LYPLAL1: variants seen among roughly 807,000 people sequenced by gnomAD.
LYPLAL1 encodes the protein lysophospholipase-like protein 1.
Under a neutral mutation model 19.7 loss-of-function variants are expected in LYPLAL1, and 23 were observed. The ratio of observed to expected loss-of-function variants is 1.17; its 90% confidence interval spans 0.84 to 1.65. The LOEUF is 1.65. Among genes scored for constraint, LYPLAL1 ranks in the 40% most tolerant of loss-of-function variants. The probability of loss-of-function intolerance (pLI) is 0.00; values close to 1 mark genes in which losing one functional copy is unlikely to be tolerated. For synonymous variants in LYPLAL1, 119 were observed against 96.3 expected (o/e 1.24, Z -1.38); for missense variants, 355 against 279.4 (o/e 1.27, Z -1.93).
At chr1:219,297,157 T>C in the LYPLAL1 span, among the ~76,000 whole-genome samples, 1 of 152,192 alleles carries the variant, frequency 6.6e-6, no homozygotes, top group Admixed American at 6.5e-5. Flanking sequence ...GAGCTCACAA[T>C]TGGAAGCAAA....
At chr1:219,179,065 G>C in intron 1 of LYPLAL1, 82 bp from the exon 2 acceptor site, 1 of 869,302 alleles carries the variant, frequency 1.2e-6, no homozygotes. Context: ...CATCCTCTGT[G>C]TGACATAAAA....
At chr1:219,375,794 T>C in the LYPLAL1 span, among the ~76,000 whole-genome samples, 4 of 146,752 alleles carry the variant, frequency 2.7e-5, no homozygotes, top group African/African-American at 1.0e-4. Flanking sequence ...CAGGCTGGAG[T>C]ACAGTGGCGC....
At chr1:219,392,943 AAAAAT>A in the LYPLAL1 span, among the ~76,000 whole-genome samples, 1 of 152,216 alleles carries the variant, frequency 6.6e-6, no homozygotes, top group South Asian at 2.1e-4. Flanking sequence ...AAATTGTTGG[AAAAAT>A]AAAATAAGAA....
the LYPLAL1 span, among the ~76,000 whole-genome samples, chr1:219,259,592 C>G: frequency 6.6e-6 from 1 of 151,254 alleles, no homozygotes; most frequent in African/African-American, 2.4e-5. Flanking sequence ...CTAAGCTACA[C>G]GGACACAAAG....
the LYPLAL1 span, among the ~76,000 whole-genome samples, chr1:219,333,384 AGGAGTTGCACAGTAGGCAGCTT>A: frequency 7.9e-5 from 12 of 152,008 alleles, no homozygotes; most frequent in Non-Finnish European, 1.5e-4. Flanking sequence ...TAGTACTCTC[AGGAGTTGCACAGTAGGCAGCTT>A]GTACAGTCAT....
intron 2 of LYPLAL1, among the ~76,000 whole-genome samples, chr1:219,186,393 T>C (rs761889730): frequency 1.3e-5 from 2 of 151,916 alleles, no homozygotes; most frequent in Non-Finnish European, 2.9e-5. Context: ...TAAGTTGTTC[T>C]ATTAGTTGCC....
the LYPLAL1 span, among the ~76,000 whole-genome samples, chr1:219,388,720 C>CA: frequency 2.6e-5 from 4 of 151,978 alleles, no homozygotes; most frequent in Admixed American, 1.3e-4. Context: ...TCAGTAAAAA[C>CA]AAAAAAAGCA....
chr1:219,180,889 C>A (rs1368594089), intron 2 of LYPLAL1, among the ~76,000 whole-genome samples: 1 of 152,052 alleles, frequency 6.6e-6, no homozygotes, highest in Non-Finnish European at 1.5e-5. Context: ...TTTGTGGGTG[C>A]TGTTGTGATT....
rs1446067174 is a variant in LYPLAL1, at chr1:219,194,841, G to A, written c.361+1590G>A. On this transcript the variant is annotated intron_variant, in intron 3 of 4. Transcript: ENST00000366928. ...AATTATTAAAATTTTAACTATTACA[G>A]TGTAGAAGTCTAGGTAGAGGGAATG... Among the ~76,000 whole-genome samples the A allele has an allele frequency of 2.6e-5, 4 of 152,202 alleles. No individual in the cohort carries two copies. The South Asian group carries it at 8.3e-4, about 32-fold the overall frequency.
chr1:219,445,341 T>C, the LYPLAL1 span, among the ~76,000 whole-genome samples: 1 of 131,002 alleles, frequency 7.6e-6, no homozygotes, highest in Non-Finnish European at 1.5e-5. Flanking sequence ...TCTCATAGTC[T>C]GACCAAAAAA....
chr1:219,211,954 CT>C lies in LYPLAL1; in HGVS notation c.*230del. On this transcript the variant is annotated 3_prime_UTR_variant, in exon 5 of 5. Transcript: ENST00000366928. ...CACAATTCTGTAAATATTTGGAAACCTTTTAAGTATTTAAACTTTTAAATTT... is the reference window on the plus strand; with the variant it reads ...CACAATTCTGTAAATATTTGGAAACCTTTAAGTATTTAAACTTTTAAATTT... The C allele has an allele frequency of 2.9e-6, 1 of 346,042 alleles. No individual in the cohort carries two copies. The highest frequency in any genetic ancestry group is 5.2e-6 in the Non-Finnish European group (1 of 193,202). The allele number at this position is 346,042 out of a possible 1,614,324, so 21.4% of individuals were successfully genotyped here. A position where few individuals can be genotyped will look rare whatever the true frequency, so the allele number is the denominator to read the frequency against.
At chr1:219,406,575 C>T in the LYPLAL1 span, among the ~76,000 whole-genome samples, 5 of 152,026 alleles carry the variant, frequency 3.3e-5, no homozygotes, top group Admixed American at 6.5e-5. Flanking sequence ...TGAGCTGAAA[C>T]GAACATTCTG....
At chr1:219,245,303 A>G in the LYPLAL1 span, among the ~76,000 whole-genome samples, 1 of 151,976 alleles carries the variant, frequency 6.6e-6, no homozygotes, top group Non-Finnish European at 1.5e-5. Context: ...TTACAGGGTA[A>G]AAAGGGGAAA....
chr1:219,406,356 C>T, the LYPLAL1 span, among the ~76,000 whole-genome samples: 2 of 152,240 alleles, frequency 1.3e-5, no homozygotes, highest in South Asian at 4.2e-4. Flanking sequence ...AGGTTTGAAG[C>T]AAGTTTATCT....
chr1:219,376,154 C>G, the LYPLAL1 span, among the ~76,000 whole-genome samples: 1 of 151,972 alleles, frequency 6.6e-6, no homozygotes, highest in Non-Finnish European at 1.5e-5. Context: ...ACATATAGAC[C>G]AGTGAAATAA....
At chr1:219,284,777 T>C in the LYPLAL1 span, among the ~76,000 whole-genome samples, 2 of 151,488 alleles carry the variant, frequency 1.3e-5, no homozygotes, top group African/African-American at 2.4e-5. Flanking sequence ...CACAGGAGAG[T>C]TGGGGCTGGC....
the LYPLAL1 span, among the ~76,000 whole-genome samples, chr1:219,286,529 G>T: frequency 0.46 from 69,607 of 151,978 alleles, 16,384 homozygotes; most frequent in East Asian, 0.69. Context: ...TCTGAATTTT[G>T]CAGCATCCTT....
At chr1:219,272,980 G>A in the LYPLAL1 span, 2 of 152,210 alleles carry the variant, frequency 1.3e-5, no homozygotes, top group Admixed American at 1.3e-4. Flanking sequence ...TAAACTCTGA[G>A]AGGCCCTATA....
chr1:219,440,022 C>CATATATAT, the LYPLAL1 span, among the ~76,000 whole-genome samples: 28 of 128,848 alleles, frequency 2.2e-4, no homozygotes, highest in African/African-American at 8.5e-4. Context: ...TACACACACA[C>CATATATAT]ACATATATAT....
Sources: gnomAD v4.1 joint callset for allele counts (sites outside exome capture counted in the v4.1 genomes callset) on GRCh38, gnomAD v4.1.1 for gene constraint, MANE v1.5 for transcripts, NCBI Gene and HGNC (gene_info 2026-07-23, HGNC 2026-07-21) for gene names.